Variants in SLC44A3 observed in about 807,000 individuals in gnomAD.
The protein encoded by SLC44A3 is choline transporter-like protein 3.
SLC44A3 carries 74 observed loss-of-function variants against 75.4 expected under a neutral mutation model. The observed-to-expected ratio is 0.98, with a 90% confidence interval of 0.81 to 1.19. SLC44A3 has a LOEUF of 1.19. Ranked by LOEUF, SLC44A3 falls within the 50% of genes most tolerant of loss-of-function variation. SLC44A3 has a pLI of 0.00. For missense variants in SLC44A3, 700 were observed against 778.6 expected (o/e 0.90, Z 1.20); for synonymous variants, 310 against 296.9 (o/e 1.04, Z -0.45).
intron 11 of SLC44A3, among the ~76,000 whole-genome samples, chr1:94,865,598 C>T (rs1181325613): frequency 1.3e-5 from 2 of 152,168 alleles, no homozygotes; most frequent in Non-Finnish European, 2.9e-5. Context: ...GAAACCAGAA[C>T]ACCAGGAAAA....
At chr1:94,887,278 T>A (rs1289842606) in intron 12 of SLC44A3, among the ~76,000 whole-genome samples, 1 of 152,128 alleles carries the variant, frequency 6.6e-6, no homozygotes, top group African/African-American at 2.4e-5. Context: ...AATTAGCTAA[T>A]GCTGAAGCTG....
intron 13 of SLC44A3, 50 bp from the exon 14 acceptor site, chr1:94,892,231 T>A (rs773536030): frequency 7.8e-6 from 12 of 1,539,352 alleles, no homozygotes; most frequent in Non-Finnish European, 1.1e-5. Flanking sequence ...GACAAAAACA[T>A]CTAAGCAACT....
chr1:94,885,081 A>T (rs1669416950), intron 12 of SLC44A3, among the ~76,000 whole-genome samples: 1 of 152,044 alleles, frequency 6.6e-6, no homozygotes, highest in Non-Finnish European at 1.5e-5. Flanking sequence ...CCCTGTCTCT[A>T]CTAAAAATAC....
intron 5 of SLC44A3, among the ~76,000 whole-genome samples, chr1:94,830,366 C>G (rs1391101561): frequency 6.6e-6 from 1 of 152,170 alleles, no homozygotes; most frequent in Non-Finnish European, 1.5e-5. Context: ...GCGCATGCCA[C>G]CATACCCAGC....
rs188713608 is a variant in SLC44A3 at position 94,888,809 on chromosome 1, A to G, written c.1483-2321A>G. The G allele has an allele frequency of 2.0e-3, 1,381 of 675,758 alleles. 2 individuals carry two copies. The highest frequency in any genetic ancestry group is 2.4e-3 in the Non-Finnish European group (1,315 of 551,212). The allele number at this position is 675,758 out of a possible 1,614,324, so 41.9% of individuals were successfully genotyped here. A position where few individuals can be genotyped will look rare whatever the true frequency, so the allele number is the denominator to read the frequency against. ...CAGTGGTGCGATCTCGGCTCACTTCAACCTCTGCTTCCCGGGTTCAAGCGT... is the reference window on the plus strand; with the variant it reads ...CAGTGGTGCGATCTCGGCTCACTTCGACCTCTGCTTCCCGGGTTCAAGCGT... On this transcript the variant is annotated intron_variant, in intron 12 of 14. Transcript: ENST00000271227.
chr1:94,884,317 A>C (rs1669325699), intron 12 of SLC44A3, among the ~76,000 whole-genome samples: 2 of 152,192 alleles, frequency 1.3e-5, no homozygotes, highest in Admixed American at 1.3e-4. Flanking sequence ...GAAGGCCCAG[A>C]GGCTGTGCAC....
intron 11 of SLC44A3, among the ~76,000 whole-genome samples, chr1:94,866,213 A>G (rs920169997): frequency 6.6e-6 from 1 of 152,194 alleles, no homozygotes; most frequent in Non-Finnish European, 1.5e-5. Flanking sequence ...TTGGTAATAG[A>G]TAATCATAAA....
intron 12 of SLC44A3, among the ~76,000 whole-genome samples, chr1:94,872,306 G>A (rs1228000047): frequency 6.6e-6 from 1 of 151,948 alleles, no homozygotes; most frequent in Non-Finnish European, 1.5e-5. Flanking sequence ...TCTCCATGTT[G>A]GCTGGTCTCG....
rs750031769 is a variant in SLC44A3, at chr1:94,828,635, T to C, written c.509+49T>C. On this transcript the variant is annotated intron_variant, in intron 5 of 14. Coordinates refer to ENST00000271227, the MANE Select transcript of SLC44A3 (RefSeq NM_001114106.3). Reference sequence around the variant, plus strand: ...TTAACTCTAAACAAAAGTTACTGGGTACTTGGTGTGCATCTGTTACTCTTC... The same window carrying C: ...TTAACTCTAAACAAAAGTTACTGGGCACTTGGTGTGCATCTGTTACTCTTC... 6 of 1,518,396 alleles carry C rather than the reference T, an allele frequency of 4.0e-6. No homozygotes were observed. In the South Asian group the frequency reaches 6.8e-5, roughly 17 times the overall value. The allele number at this position is 1,518,396 out of a possible 1,614,324, so 94.1% of individuals were successfully genotyped here. A position where few individuals can be genotyped will look rare whatever the true frequency, so the allele number is the denominator to read the frequency against.
At position 94,857,473 on chromosome 1, in the gene SLC44A3, G is replaced by C. The variant is rs756344720; in HGVS notation, c.1211G>C (p.Gly404Ala). 1 of 1,612,356 alleles carries C rather than the reference G, an allele frequency of 6.2e-7. No individual in the cohort carries two copies. The highest frequency in any genetic ancestry group is 8.5e-7 in the Non-Finnish European group (1 of 1,179,548). ...ILACQQMTIA[G>A]AVVTCYFNRS... ...GCGTGCCAGCAAATGACTATAGCTGGGGCAGTGGTTACTTGTTATTTCAAC... is the reference window on the plus strand; with the variant it reads ...GCGTGCCAGCAAATGACTATAGCTGCGGCAGTGGTTACTTGTTATTTCAAC... The change falls in exon 10 of 15, where the codon GGG (glycine) becomes GCG (alanine). Residue 404 changes from glycine to alanine, a missense_variant. Coordinates refer to ENST00000271227, the MANE Select transcript of SLC44A3 (RefSeq NM_001114106.3).
chr1:94,840,347 T>A (rs893797899), intron 7 of SLC44A3, among the ~76,000 whole-genome samples: 1 of 131,134 alleles, frequency 7.6e-6, no homozygotes, highest in African/African-American at 2.8e-5. Flanking sequence ...TGGAGTGCAA[T>A]GGCGCGAACG....
Position 94,894,886 on chromosome 1 carries a change from TGAG to T in SLC44A3, c.1931_1933del (p.Glu644del). On this transcript the variant is annotated inframe_deletion, in exon 15 of 15. Coordinates refer to ENST00000271227, the MANE Select transcript of SLC44A3 (RefSeq NM_001114106.3). ...AGCAGGACAAGCACTCATTAAGGAA[TGAG>T]GAGGGAACAGAACTCCAGGCCATTG... The T allele has an allele frequency of 6.2e-7, 1 of 1,612,204 alleles. No homozygotes were observed.
chr1:94,821,477 C>T (rs1172418664), intron 2 of SLC44A3, among the ~76,000 whole-genome samples: 1 of 152,154 alleles, frequency 6.6e-6, no homozygotes, highest in Non-Finnish European at 1.5e-5. Flanking sequence ...TTTAGCTGAA[C>T]ATCACACACA....
intron 9 of SLC44A3, among the ~76,000 whole-genome samples, chr1:94,856,208 C>T (rs1488515828): frequency 1.3e-5 from 2 of 152,104 alleles, no homozygotes; most frequent in East Asian, 1.9e-4. Context: ...ACTTATGGCG[C>T]GATATGTCTA....
At chr1:94,881,389 T>C (rs1407742003) in intron 12 of SLC44A3, among the ~76,000 whole-genome samples, 2 of 152,210 alleles carry the variant, frequency 1.3e-5, no homozygotes, top group African/African-American at 4.8e-5. Flanking sequence ...GGGCTTCAAA[T>C]CAGAGAAGGT....
At chr1:94,822,329 T>A (rs567703674) in intron 2 of SLC44A3, among the ~76,000 whole-genome samples, 1 of 152,362 alleles carries the variant, frequency 6.6e-6, no homozygotes, top group East Asian at 1.9e-4. Context: ...TAAAATTACA[T>A]TTCATTTGCA....
Position 94,894,856 on chromosome 1 carries a change from G to C in SLC44A3, c.1896G>C (p.Arg632Ser). ...GGAGCAACAAATTAAACAATGCAAG[G>C]GCACAGCAGGACAAGCACTCATTAA... ...VKRSNKLNNA[R>S]AQQDKHSLRN... The change falls in exon 15 of 15, where the codon AGG (arginine) becomes AGC (serine). Residue 632 changes from arginine (R) to serine (S), a missense_variant. By Grantham distance (110) the Arg-to-Ser change is moderately radical (BLOSUM62 -1). Coordinates refer to ENST00000271227, the MANE Select transcript of SLC44A3 (RefSeq NM_001114106.3). 1 of 1,612,158 alleles carries C rather than the reference G, an allele frequency of 6.2e-7. No individual in the cohort carries two copies. The highest frequency in any genetic ancestry group is 8.5e-7 in the Non-Finnish European group (1 of 1,178,890).
Position 94,895,010 on chromosome 1 carries a change from G to A in SLC44A3, c.*88G>A. 1.9e-6 allele frequency: 2 copies of A among 1,057,642 alleles called. No individual in the cohort carries two copies. The highest frequency in any genetic ancestry group is 1.4e-6 in the Non-Finnish European group (1 of 734,958). The allele number at this position is 1,057,642 out of a possible 1,614,324, so 65.5% of individuals were successfully genotyped here. A position where few individuals can be genotyped will look rare whatever the true frequency, so the allele number is the denominator to read the frequency against. ...AGATGAGACCACTAGAGAAAAGTTAGTGAATTTTTTTTTAAAAGACCTAAT... is the reference window on the plus strand; with the variant it reads ...AGATGAGACCACTAGAGAAAAGTTAATGAATTTTTTTTTAAAAGACCTAAT... On this transcript the variant is annotated 3_prime_UTR_variant, in exon 15 of 15. Transcript: ENST00000271227.
At chr1:94,880,490 T>G (rs1668829430) in intron 12 of SLC44A3, among the ~76,000 whole-genome samples, 1 of 152,198 alleles carries the variant, frequency 6.6e-6, no homozygotes, top group Non-Finnish European at 1.5e-5. Flanking sequence ...ATCATCCATA[T>G]AGTATGATTT....
Sources: gnomAD v4.1 joint callset for allele counts (sites outside exome capture counted in the v4.1 genomes callset) on GRCh38, gnomAD v4.1.1 for gene constraint, MANE v1.5 for transcripts, NCBI Gene and HGNC (gene_info 2026-07-23, HGNC 2026-07-21) for gene names.